Variants in COL18A1 observed in about 807,000 individuals in gnomAD.
COL18A1 encodes collagen alpha-1(XVIII) chain.
COL18A1 carries 133 observed loss-of-function variants against 168.0 expected under a neutral mutation model. That is an observed-to-expected ratio of 0.79 (90% CI 0.69 to 0.91). The LOEUF is 0.91. COL18A1 is among the 40% of genes least tolerant of loss of function. The probability of loss-of-function intolerance (pLI) is 0.00; values close to 1 mark genes in which losing one functional copy is unlikely to be tolerated. For missense variants in COL18A1, 2,126 were observed against 1,925.4 expected, an observed-to-expected ratio of 1.10 and a Z score of -1.95; for synonymous variants, 949 against 809.0, an observed-to-expected ratio of 1.17 and a Z score of -2.94.
At chr21:45,413,076 C>G (rs2123510761) in intron 2 of COL18A1, among the ~76,000 whole-genome samples, 1 of 152,222 alleles carries the variant, frequency 6.6e-6, no homozygotes, top group African/African-American at 2.4e-5. Context: ...TGGGGTGTGT[C>G]CTGCTGACAG....
In COL18A1 at chr21:45,456,638, G is replaced by A. The variant is rs1305050267; in HGVS notation, c.107-11604G>A. The A allele has an allele frequency of 5.9e-6, 9 of 1,537,392 alleles. No individual in the cohort carries two copies. The South Asian group carries it at 7.2e-5, about 12-fold the overall frequency. Reference sequence around the variant, plus strand: ...GAGCGGCGAGCAGGTGCGGGCCGGGGCACGGGCGTGGGGGGGCCTGCTGCA... The same window carrying A: ...GAGCGGCGAGCAGGTGCGGGCCGGGACACGGGCGTGGGGGGGCCTGCTGCA... On this transcript the variant is annotated intron_variant, in intron 2 of 41. Coordinates refer to ENST00000651438, the MANE Select transcript of COL18A1 (RefSeq NM_001379500.1).
At chr21:45,490,718 C>G in intron 20 of COL18A1, 118 bp from the exon 21 acceptor site, 1 of 1,140,724 alleles carries the variant, frequency 8.8e-7, no homozygotes, top group South Asian at 1.3e-5. Flanking sequence ...GCCTCCCTCC[C>G]AGGCCCCAGC....
chr21:45,505,141 A>AG lies in COL18A1; in HGVS notation c.2879dup (p.Glu961ArgfsTer126). On this transcript the variant is annotated frameshift_variant, in exon 35 of 42. Transcript: ENST00000651438. LOFTEE classifies it high-confidence loss of function. ...TCTTGTCGCCGTCCGTAGGGTCCCA[A>AG]GGGAGAGAGCATCCGGGGCCAGCCC... 6.2e-7 allele frequency: 1 copy of AG among 1,609,498 alleles called. No individual in the cohort carries two copies. The highest frequency in any genetic ancestry group is 8.5e-7 in the Non-Finnish European group (1 of 1,178,890).
chr21:45,508,758 C>T lies in COL18A1; in HGVS notation c.3250-598C>T, dbSNP rs374628482. Among the ~76,000 whole-genome samples, 4 of 152,250 alleles carry T rather than the reference C, an allele frequency of 2.6e-5. No individual in the cohort carries two copies. In the East Asian group the frequency reaches 7.7e-4, roughly 29 times the overall value. On this transcript the variant is annotated intron_variant, in intron 38 of 41. Transcript: ENST00000651438. ...ATTCAGCCAGTCAATAGTCATGGCC[C>T]CTCCTGTGTGCCGGGTGGCCATGGA... is the stretch of plus-strand genomic sequence containing the variant.
chr21:45,473,322 G>C lies in COL18A1; in HGVS notation c.652-573G>C, dbSNP rs1462195716. 2.0e-5 allele frequency among the ~76,000 whole-genome samples: 3 copies of C among 152,246 alleles called. No homozygotes were observed. The highest frequency in any genetic ancestry group is 7.2e-5 in the African/African-American group (3 of 41,472). On this transcript the variant is annotated intron_variant, in intron 3 of 41. Transcript: ENST00000651438. This position sits in a 1 kb window ranked among gnomAD's most constrained non-coding sequence, Gnocchi z 4.0. ...GAGCGGTGGGTAGGTGGGTGAGTGA[G>C]TGAGATTGGGTCCGGACGGAATGGG...
intron 2 of COL18A1, chr21:45,456,325 C>T (rs1235809024): frequency 1.4e-5 from 21 of 1,550,840 alleles, no homozygotes; most frequent in Non-Finnish European, 1.8e-5. Context: ...CACTTCTGCA[C>T]CCCCTGGTGA....
At chr21:45,476,936 T>TGC (rs1381228701) in intron 6 of COL18A1, among the ~76,000 whole-genome samples, 2 of 151,626 alleles carry the variant, frequency 1.3e-5, no homozygotes, top group African/African-American at 4.8e-5. Flanking sequence ...TGTGTGTGTG[T>TGC]GTGTGTGTGT....
chr21:45,453,856 G>A (rs1450873813), intron 2 of COL18A1, among the ~76,000 whole-genome samples: 1 of 152,186 alleles, frequency 6.6e-6, no homozygotes, highest in African/African-American at 2.4e-5. Flanking sequence ...CTGCCCAGGA[G>A]GTGTATATTG....
intron 2 of COL18A1, 114 bp from the exon 3 acceptor site, chr21:45,468,128 C>T: frequency 8.5e-7 from 1 of 1,171,864 alleles, no homozygotes; most frequent in Non-Finnish European, 1.2e-6. Flanking sequence ...GTGGAGAGCC[C>T]TCCCAGACTC....
At chr21:45,474,903 CG>C (rs1231304999) in intron 4 of COL18A1, among the ~76,000 whole-genome samples, 5 of 152,240 alleles carry the variant, frequency 3.3e-5, no homozygotes, top group African/African-American at 1.2e-4. Context: ...TGCCAGAAGA[CG>C]CCAGATCGTT....
chr21:45,405,296 G>GCTGCGGGGCTGCGGGGA, intron 1 of COL18A1, 55 bp downstream of exon 1: 1 of 504,622 alleles, frequency 2.0e-6, no homozygotes, highest in South Asian at 9.9e-5. Flanking sequence ...GGCTGCGGGG[G>GCTGCGGGGCTGCGGGGA]TCGCGGGGGT....
At chr21:45,474,534 T>A (rs910883064) in intron 4 of COL18A1, among the ~76,000 whole-genome samples, 3 of 151,880 alleles carry the variant, frequency 2.0e-5, no homozygotes, top group Non-Finnish European at 2.9e-5. Context: ...TGTCTGCATG[T>A]CTGCATGGTG....
At chr21:45,456,680 T>G in intron 2 of COL18A1, 1 of 1,532,096 alleles carries the variant, frequency 6.5e-7, no homozygotes, top group Non-Finnish European at 8.8e-7. Context: ...CTGCCACCCC[T>G]TCCTCGCCTG....
rs538527360 is a variant in COL18A1, at chr21:45,492,787, C to T, written c.2214+74C>T. ...CTCCACCTGGTAGCACAGAGCAGCC[C>T]GGTCGAGCTGGGGTGGGCCTTGTCA... On this transcript the variant is annotated intron_variant, in intron 24 of 41. Transcript: ENST00000651438. 78 of 1,172,660 alleles carry T rather than the reference C, an allele frequency of 6.7e-5. 1 individual carries two copies. Among genetic ancestry groups the T allele is most frequent in the South Asian group, 5.1e-4 (42 of 82,342 alleles). The allele number at this position is 1,172,660 out of a possible 1,614,324, so 72.6% of individuals were successfully genotyped here.
intron 3 of COL18A1, among the ~76,000 whole-genome samples, chr21:45,472,219 T>C (rs1263441924): frequency 6.9e-6 from 1 of 144,502 alleles, no homozygotes; most frequent in East Asian, 2.0e-4. Flanking sequence ...AGAAGCGCAG[T>C]TTTTTTTTTT....
intron 30 of COL18A1, 117 bp downstream of exon 30, chr21:45,496,685 GT>G: frequency 1.3e-6 from 1 of 746,596 alleles, no homozygotes; most frequent in East Asian, 2.5e-5. Context: ...CTTCTAGGAT[GT>G]GCCAGTCTGG....
At chr21:45,432,036 C>G (rs752013922) in intron 2 of COL18A1, among the ~76,000 whole-genome samples, 2 of 152,224 alleles carry the variant, frequency 1.3e-5, no homozygotes, top group African/African-American at 4.8e-5. Flanking sequence ...CACAGCTGAG[C>G]CTGCTGTGGG....
chr21:45,480,804 C>G lies in COL18A1; in HGVS notation c.1557C>G (p.Ala519=). 2 of 1,611,868 alleles carry G rather than the reference C, an allele frequency of 1.2e-6. No individual in the cohort carries two copies. The highest frequency in any genetic ancestry group is 1.7e-6 in the Non-Finnish European group (2 of 1,179,760). The change falls in exon 13 of 42, where the codon GCC becomes GCG. Residue 519 remains alanine, a synonymous_variant. Coordinates refer to ENST00000651438, the MANE Select transcript of COL18A1 (RefSeq NM_001379500.1). ...ACAGCTCCGACGTCCCAGGACCCGC[C>G]GGCCTTCCTGGTGTGCCTGGGCGCG... The part of the protein sequence containing the change: ...GVNSSDVPGP[A]GLPGVPGREG...
intron 32 of COL18A1, among the ~76,000 whole-genome samples, chr21:45,499,673 G>A (rs1169816338): frequency 6.6e-6 from 1 of 152,238 alleles, no homozygotes; most frequent in Non-Finnish European, 1.5e-5. Flanking sequence ...GCAATTAGAG[G>A]TTCCCGTGGT....
Sources: gnomAD v4.1 joint callset for allele counts (sites outside exome capture counted in the v4.1 genomes callset) on GRCh38, gnomAD v4.1.1 for gene constraint, Gnocchi (gnomAD v3.1) non-coding constraint, MANE v1.5 for transcripts, NCBI Gene and HGNC (gene_info 2026-07-23, HGNC 2026-07-21) for gene names.